ZBTB11: variants seen among roughly 807,000 people sequenced by gnomAD.
ZBTB11 encodes the protein zinc finger and BTB domain-containing protein 11.
In ZBTB11, 68 loss-of-function variants were observed where a neutral mutation model predicts 113.1. The ratio of observed to expected loss-of-function variants is 0.60; its 90% CI spans 0.49 to 0.74. The LOEUF (loss-of-function observed/expected upper bound fraction) is 0.74, where lower values mean the gene tolerates loss of function less well. Ranked by LOEUF, ZBTB11 falls within the 30% of genes least tolerant of loss-of-function variation. The probability of loss-of-function intolerance (pLI) is 0.00; values close to 1 mark genes in which losing one functional copy is unlikely to be tolerated. For synonymous variants in ZBTB11, 518 were observed against 452.6 expected (o/e 1.14, Z -1.83); for missense variants, 1,104 against 1,279.4 (o/e 0.86, Z 2.09).
intron 1 of ZBTB11, among the ~76,000 whole-genome samples, chr3:101,673,442 T>TA (rs1202837806): frequency 6.6e-6 from 1 of 152,100 alleles, no homozygotes; most frequent in East Asian, 1.9e-4. Context: ...GGTTATGAGG[T>TA]AAAATGATAG....
intron 1 of ZBTB11, 55 bp from the exon 2 acceptor site, chr3:101,672,268 ATAT>A: frequency 7.8e-7 from 1 of 1,280,218 alleles, no homozygotes; most frequent in Non-Finnish European, 1.1e-6. Flanking sequence ...AAAACAGAAT[ATAT>A]TATTTAGTCT....
intron 2 of ZBTB11, 51 bp from the exon 3 acceptor site, chr3:101,671,412 C>A: frequency 1.4e-6 from 2 of 1,398,938 alleles, no homozygotes; most frequent in Non-Finnish European, 2.0e-6. Flanking sequence ...GTATTTTTTA[C>A]CCTTAACAAG....
chr3:101,654,794 C>T lies in ZBTB11; in HGVS notation c.2219G>A (p.Cys740Tyr). Reference sequence around the variant, plus strand: ...AGAGCCCCTATGAAAAGACTTTCCACAAACTGAGCAAAGGTACTTGGACTC... The same window carrying T: ...AGAGCCCCTATGAAAAGACTTTCCATAAACTGAGCAAAGGTACTTGGACTC... The part of the protein sequence containing the change: ...TGESKYLCSV[C>Y]GKSFHRGSGL... Residue 740 changes from cysteine (C) to tyrosine (Y), a missense_variant, in exon 8 of 11, where the codon TGT becomes TAT. Physicochemically the swap from Cys to Tyr is radical, Grantham distance 194 (BLOSUM62 -2). This residue lies in a region of ZBTB11 where 535 missense variants were observed against 518.6 expected (regional missense o/e 1.03). Transcript: ENST00000312938. The T allele has an allele frequency of 6.2e-7, 1 of 1,614,092 alleles. No individual in the cohort carries two copies. The highest frequency in any genetic ancestry group is 8.5e-7 in the Non-Finnish European group (1 of 1,180,002).
intron 10 of ZBTB11, 90 bp downstream of exon 10, chr3:101,652,406 C>G: frequency 7.6e-6 from 10 of 1,313,392 alleles, no homozygotes; most frequent in Admixed American, 2.3e-5. Flanking sequence ...TAACCTTTTA[C>G]CAAGGAAGGT....
intron 10 of ZBTB11, 54 bp from the exon 11 acceptor site, chr3:101,651,737 C>T (rs762752466): frequency 1.4e-6 from 2 of 1,469,860 alleles, no homozygotes; most frequent in South Asian, 1.5e-5. Flanking sequence ...CCAAAATATA[C>T]TTAAACTGCC....
At chr3:101,658,102 G>C (rs1365338657) in intron 6 of ZBTB11, among the ~76,000 whole-genome samples, 1 of 152,096 alleles carries the variant, frequency 6.6e-6, no homozygotes, top group Non-Finnish European at 1.5e-5. Flanking sequence ...ATAAATCAAT[G>C]AGCAGATAAA....
Position 101,665,802 on chromosome 3 carries a change from C to T in ZBTB11, c.785G>A (p.Cys262Tyr), listed in dbSNP as rs750189056. 1.9e-6 allele frequency: 3 copies of T among 1,585,294 alleles called. No individual in the cohort carries two copies. The highest frequency in any genetic ancestry group is 2.6e-6 in the Non-Finnish European group (3 of 1,169,456). The stretch of plus-strand genomic sequence containing the variant: ...CAGTAAAGGAAGGAAGCTGGCCTTA[C>T]AAAAACCTGTATGAATACAAAGAAG... ...HEAVVDLSGFCKASFLPLLEF... is the reference protein window; with the variant it reads ...HEAVVDLSGFYKASFLPLLEF... Residue 262 changes from cysteine to tyrosine, a missense_variant, in exon 4 of 11, where the codon TGT (cysteine) becomes TAT (tyrosine). This residue lies in a region of ZBTB11 where 86 missense variants were observed against 131.0 expected (regional missense o/e 0.66). Transcript: ENST00000312938.
intron 3 of ZBTB11, among the ~76,000 whole-genome samples, chr3:101,670,057 A>C (rs1576652085): frequency 6.6e-6 from 1 of 151,910 alleles, no homozygotes; most frequent in South Asian, 2.1e-4. Context: ...CAAACCCATG[A>C]CCTCAGGTGA....
rs1202633869 is a variant in ZBTB11, at chr3:101,649,800, T to C, written c.*1366A>G. Reference sequence around the variant, plus strand: ...TAAACTGGGAGAGGCAACTTAGTAATATATGTACATCAAGGCACATTCTTT... The same window carrying C: ...TAAACTGGGAGAGGCAACTTAGTAACATATGTACATCAAGGCACATTCTTT... On this transcript the variant is annotated 3_prime_UTR_variant, in exon 11 of 11. Coordinates refer to ENST00000312938, the MANE Select transcript of ZBTB11 (RefSeq NM_014415.4). The C allele has an allele frequency of 6.6e-6, 1 of 152,670 alleles. No homozygotes were observed. The highest frequency in any genetic ancestry group is 1.5e-5 in the Non-Finnish European group (1 of 68,026). The allele number at this position is 152,670 out of a possible 1,614,324, so 9.5% of individuals were successfully genotyped here.
intron 5 of ZBTB11, among the ~76,000 whole-genome samples, chr3:101,660,243 T>C (rs1936865333): frequency 1.3e-5 from 2 of 152,152 alleles, no homozygotes; most frequent in Non-Finnish European, 2.9e-5. Flanking sequence ...AATATTTATA[T>C]CAACAAGGTT....
At chr3:101,671,883 G>T in intron 2 of ZBTB11, 95 bp downstream of exon 2, 1 of 901,238 alleles carries the variant, frequency 1.1e-6, no homozygotes, top group Non-Finnish European at 1.9e-6. Context: ...TATTCAATAA[G>T]CAGTCTTAGT....
chr3:101,662,600 C>T (rs1356945404), intron 5 of ZBTB11, among the ~76,000 whole-genome samples: 1 of 152,142 alleles, frequency 6.6e-6, no homozygotes, highest in African/African-American at 2.4e-5. Context: ...AACACAACTC[C>T]GTCTCCAGAA....
At chr3:101,664,320 T>C (rs534558405) in intron 5 of ZBTB11, among the ~76,000 whole-genome samples, 3 of 152,346 alleles carry the variant, frequency 2.0e-5, no homozygotes, top group Admixed American at 6.5e-5. Context: ...AATGATCTTT[T>C]TACTATTGTC....
At chr3:101,673,166 G>A (rs1218083083) in intron 1 of ZBTB11, among the ~76,000 whole-genome samples, 1 of 152,188 alleles carries the variant, frequency 6.6e-6, no homozygotes, top group Non-Finnish European at 1.5e-5. Flanking sequence ...GTAGGGGTGA[G>A]GAGGCAGGGA....
intron 1 of ZBTB11, among the ~76,000 whole-genome samples, chr3:101,676,176 C>G (rs1937165544): frequency 7.9e-6 from 1 of 125,872 alleles, no homozygotes; most frequent in African/African-American, 2.5e-5. Context: ...ACGGGAGACC[C>G]GGCTTCGGGT....
chr3:101,669,550 G>A (rs189792217), intron 3 of ZBTB11, among the ~76,000 whole-genome samples: 13 of 152,018 alleles, frequency 8.6e-5, no homozygotes, highest in African/African-American at 3.1e-4. Context: ...CAACACTCAT[G>A]CTTTCAGATG....
rs1266191489 is a variant in ZBTB11 at position 101,665,698 on chromosome 3, T to C, written c.889A>G (p.Met297Val). 1.2e-6 allele frequency: 2 copies of C among 1,614,020 alleles called. No individual in the cohort carries two copies. The highest frequency in any genetic ancestry group is 1.7e-6 in the Non-Finnish European group (2 of 1,180,034). Residue 297 changes from methionine (M) to valine (V), a missense_variant, in exon 4 of 11, where the codon ATG becomes GTG. By Grantham distance (21) the Met-to-Val change is conservative. Coordinates refer to ENST00000312938, the MANE Select transcript of ZBTB11 (RefSeq NM_014415.4). ...DVAILARHLF[M>V]SEVLEICESV... is the part of the protein sequence containing the mutation. ...TCACAAATCTCTAAGACTTCTGACA[T>C]GAAAAGATGACGAGCTAAGATGGCT...
chr3:101,657,366 C>T (rs964488732), intron 6 of ZBTB11, among the ~76,000 whole-genome samples: 7 of 150,068 alleles, frequency 4.7e-5, no homozygotes, highest in African/African-American at 1.5e-4. Context: ...ATTAGCCAGG[C>T]GTGGTGGCGT....
intron 8 of ZBTB11, among the ~76,000 whole-genome samples, chr3:101,653,372 T>C (rs961748985): frequency 6.6e-6 from 1 of 152,180 alleles, no homozygotes; most frequent in Non-Finnish European, 1.5e-5. Flanking sequence ...TAACTTGATG[T>C]AAATGGAGTA....
Sources: allele counts gnomAD v4.1 joint callset (sites outside exome capture counted in the v4.1 genomes callset), GRCh38; gene constraint gnomAD v4.1.1; regional missense constraint gnomAD v4.1.1; transcripts MANE v1.5; gene names NCBI Gene and HGNC (gene_info 2026-07-23, HGNC 2026-07-21).